Variants in GRXCR1 observed in about 807,000 individuals in gnomAD.
The protein encoded by GRXCR1 is glutaredoxin and cysteine rich domain containing 1.
In GRXCR1, 27 loss-of-function variants were observed where a neutral mutation model predicts 27.3. That is an observed-to-expected ratio of 0.99 (90% CI 0.73 to 1.37). The LOEUF (loss-of-function observed/expected upper bound fraction) is 1.37, where lower values mean the gene tolerates loss of function less well. Among genes scored for constraint, GRXCR1 ranks in the 40% most tolerant of loss-of-function variants. GRXCR1 has a pLI of 0.00. For missense variants in GRXCR1, 379 were observed against 354.4 expected (o/e 1.07, Z -0.56); for synonymous variants, 122 against 131.1 (o/e 0.93, Z 0.47).
chr4:43,016,814 G>T (rs1180304332), intron 2 of GRXCR1, among the ~76,000 whole-genome samples: 1 of 152,110 alleles, frequency 6.6e-6, no homozygotes, highest in East Asian at 1.9e-4. Context: ...TGTTTTTCTG[G>T]CAATCTTAGT....
chr4:42,974,652 G>A (rs1477348870), intron 2 of GRXCR1, among the ~76,000 whole-genome samples: 1 of 152,088 alleles, frequency 6.6e-6, no homozygotes, highest in East Asian at 1.9e-4. Flanking sequence ...TGAAGCGAGA[G>A]CTAAGACCAC....
At chr4:43,005,358 G>A (rs889184283) in intron 2 of GRXCR1, among the ~76,000 whole-genome samples, 1 of 152,138 alleles carries the variant, frequency 6.6e-6, no homozygotes, top group African/African-American at 2.4e-5. Flanking sequence ...AACGAGTTTA[G>A]TTTCTGACAT....
At chr4:42,986,397 A>G (rs1040292089) in intron 2 of GRXCR1, among the ~76,000 whole-genome samples, 1 of 152,212 alleles carries the variant, frequency 6.6e-6, no homozygotes, top group African/African-American at 2.4e-5. Flanking sequence ...CCCAGGGGCC[A>G]GTCAATTCTC....
intron 3 of GRXCR1, among the ~76,000 whole-genome samples, chr4:43,025,236 G>T (rs182490833): frequency 1.3e-5 from 2 of 152,180 alleles, no homozygotes; most frequent in Admixed American, 1.3e-4. Context: ...AATACATTTC[G>T]TGTGCTTTAG....
chr4:43,014,670 C>G (rs1268034872), intron 2 of GRXCR1, among the ~76,000 whole-genome samples: 1 of 152,176 alleles, frequency 6.6e-6, no homozygotes. Context: ...TGGCCTTTTA[C>G]TGTCACATCA....
intron 1 of GRXCR1, among the ~76,000 whole-genome samples, chr4:42,948,941 G>A (rs1221055313): frequency 1.3e-5 from 2 of 152,134 alleles, no homozygotes; most frequent in African/African-American, 2.4e-5. Context: ...AAACCCATAT[G>A]AGACTTCTAA....
At chr4:43,010,258 C>T (rs987658508) in intron 2 of GRXCR1, among the ~76,000 whole-genome samples, 2 of 151,988 alleles carry the variant, frequency 1.3e-5, no homozygotes, top group Non-Finnish European at 2.9e-5. Flanking sequence ...AAAAACTTAG[C>T]CAGATGTGGT....
At chr4:42,932,619 TAG>T (rs762758381) in intron 1 of GRXCR1, among the ~76,000 whole-genome samples, 435 of 22,728 alleles carry the variant, frequency 0.019, 9 homozygotes, top group Middle Eastern at 0.036. Context: ...TATATATATA[TAG>T]AGAGAGAGAG....
In GRXCR1 at chr4:42,974,992, G is replaced by C. The variant is rs940666697; in HGVS notation, c.627+11858G>C. Reference sequence around the variant, plus strand: ...TCTGTTTTAACATTAAATCTGGTCAGTTGTGTTTAGACTTCAAAAGGGTGG... The same window carrying C: ...TCTGTTTTAACATTAAATCTGGTCACTTGTGTTTAGACTTCAAAAGGGTGG... On this transcript the variant is annotated intron_variant, in intron 2 of 3. Coordinates refer to ENST00000399770, the MANE Select transcript of GRXCR1 (RefSeq NM_001080476.3). Among the ~76,000 whole-genome samples the C allele has an allele frequency of 1.1e-4, 17 of 152,106 alleles. 1 individual carries two copies. Among genetic ancestry groups the C allele is most frequent in the Non-Finnish European group, 2.5e-4 (17 of 68,018 alleles).
intron 1 of GRXCR1, among the ~76,000 whole-genome samples, chr4:42,908,051 C>A (rs1746636838): frequency 6.6e-6 from 1 of 152,142 alleles, no homozygotes; most frequent in South Asian, 2.1e-4. Context: ...GGGGGGTCAT[C>A]TCCTGAACTG....
chr4:42,963,135 G>A lies in GRXCR1; in HGVS notation c.627+1G>A. 6.2e-7 allele frequency: 1 copy of A among 1,612,532 alleles called. No homozygotes were observed. The highest frequency in any genetic ancestry group is 1.1e-5 in the South Asian group (1 of 91,056). On this transcript the variant is annotated splice_donor_variant, in intron 2 of 3. Coordinates refer to ENST00000399770, the MANE Select transcript of GRXCR1 (RefSeq NM_001080476.3). LOFTEE classifies it high-confidence loss of function. ...GTTCATTGATGGCCATTACCTTGGG[G>A]TAAGTAAGCTGCCCAGGAAAGTCTT...
At chr4:43,026,130 C>T (rs1713252535) in intron 3 of GRXCR1, among the ~76,000 whole-genome samples, 1 of 152,022 alleles carries the variant, frequency 6.6e-6, no homozygotes, top group Admixed American at 6.6e-5. Flanking sequence ...TTCAGTTATT[C>T]CTCCAACTCC....
chr4:43,009,149 C>A (rs1056437802), intron 2 of GRXCR1, among the ~76,000 whole-genome samples: 1 of 152,154 alleles, frequency 6.6e-6, no homozygotes, highest in East Asian at 1.9e-4. Flanking sequence ...TGTTCTTAAT[C>A]CAGATTTAGA....
chr4:42,972,522 C>A (rs1229462601), intron 2 of GRXCR1, among the ~76,000 whole-genome samples: 3 of 152,100 alleles, frequency 2.0e-5, no homozygotes, highest in African/African-American at 7.2e-5. Context: ...TCCTCTGTCC[C>A]TTTTTCCTGG....
At chr4:42,973,694 G>A (rs1748439388) in intron 2 of GRXCR1, among the ~76,000 whole-genome samples, 1 of 152,072 alleles carries the variant, frequency 6.6e-6, no homozygotes, top group Non-Finnish European at 1.5e-5. Context: ...TCACCTAAGT[G>A]GGTATATCAA....
At chr4:43,022,274 T>C (rs966180978) in intron 3 of GRXCR1, among the ~76,000 whole-genome samples, 2 of 152,310 alleles carry the variant, frequency 1.3e-5, no homozygotes, top group African/African-American at 4.8e-5. Context: ...TTTAGGATCT[T>C]ACAGGATGAA....
chr4:42,999,071 A>G (rs182211386), intron 2 of GRXCR1, among the ~76,000 whole-genome samples: 68 of 152,338 alleles, frequency 4.5e-4, no homozygotes, highest in African/African-American at 1.6e-3. Context: ...GATATAGGAA[A>G]TATTAAAAGC....
chr4:42,935,097 A>G (rs1295494437), intron 1 of GRXCR1, among the ~76,000 whole-genome samples: 2 of 151,998 alleles, frequency 1.3e-5, no homozygotes, highest in Non-Finnish European at 2.9e-5. Flanking sequence ...TTTCAAGGCC[A>G]CAAGTATTTT....
At chr4:43,001,343 A>G (rs1028187534) in intron 2 of GRXCR1, among the ~76,000 whole-genome samples, 4 of 152,124 alleles carry the variant, frequency 2.6e-5, no homozygotes, top group Admixed American at 2.6e-4. Flanking sequence ...ATCGTGCCTC[A>G]GTAGATAATT....
Sources: allele counts gnomAD v4.1 joint callset (sites outside exome capture counted in the v4.1 genomes callset), GRCh38; gene constraint gnomAD v4.1.1; transcripts MANE v1.5; gene names NCBI Gene and HGNC (gene_info 2026-07-23, HGNC 2026-07-21).